The following ZDHHC14 variants were observed in gnomAD, a reference collection of about 807,000 sequenced individuals.
The protein encoded by ZDHHC14 is zDHHC palmitoyltransferase 14, also known as palmitoyltransferase ZDHHC14.
Under a neutral mutation model 47.7 loss-of-function variants are expected in ZDHHC14, and 16 were observed. The ratio of observed to expected loss-of-function variants is 0.34; its 90% CI spans 0.23 to 0.51. The LOEUF is 0.51. Ranked by LOEUF, ZDHHC14 falls within the 20% of genes least tolerant of loss-of-function variation. The pLI is 0.97. For missense variants in ZDHHC14, 515 were observed against 662.5 expected (o/e 0.78, Z 2.44); for synonymous variants, 293 against 278.9 (o/e 1.05, Z -0.50).
intron 1 of ZDHHC14, among the ~76,000 whole-genome samples, chr6:157,511,547 C>CTT (rs34988240): frequency 2.2e-4 from 25 of 114,884 alleles, no homozygotes; most frequent in African/African-American, 6.0e-4. Flanking sequence ...AGCCCGGGTA[C>CTT]TTTTTTTTTT....
chr6:157,654,068 G>A (rs532578667), intron 8 of ZDHHC14, among the ~76,000 whole-genome samples: 3 of 152,200 alleles, frequency 2.0e-5, no homozygotes, highest in East Asian at 1.9e-4. Flanking sequence ...CCCTGCTTCC[G>A]CCCAAAGTCT....
intron 1 of ZDHHC14, among the ~76,000 whole-genome samples, chr6:157,507,402 G>A (rs1171925746): frequency 1.3e-5 from 2 of 151,478 alleles, no homozygotes; most frequent in African/African-American, 4.9e-5. Context: ...TCATGTCTCA[G>A]CCTCCTGGGT....
At chr6:157,417,125 G>A (rs1048361803) in intron 1 of ZDHHC14, among the ~76,000 whole-genome samples, 1 of 151,510 alleles carries the variant, frequency 6.6e-6, no homozygotes. Context: ...ACCGCGCCTG[G>A]CTCATTGTTA....
At position 157,441,222 on chromosome 6, in the gene ZDHHC14, C is replaced by T. The variant is rs150434271; in HGVS notation, c.245+58956C>T. ...TAGTGTTTTGTCTGGAAGGATCGCT[C>T]ATGGCTCAGATTTTTGTAGGCTTTG... is the stretch of plus-strand genomic sequence containing the variant. On this transcript the variant is annotated intron_variant, in intron 1 of 8. Transcript: ENST00000359775. Among the ~76,000 whole-genome samples the T allele has an allele frequency of 1.9e-3, 283 of 152,310 alleles. 4 individuals carry two copies. The East Asian group carries it at 0.037, about 20-fold the overall frequency.
chr6:157,614,362 AT>A (rs11288647), intron 3 of ZDHHC14, among the ~76,000 whole-genome samples: 64,199 of 144,958 alleles, frequency 0.44, 14,678 homozygotes, highest in East Asian at 0.84. Flanking sequence ...TAGCTGACTG[AT>A]TTTTTTTTTT....
chr6:157,529,222 C>A (rs1352571558), intron 1 of ZDHHC14: 2 of 154,622 alleles, frequency 1.3e-5, no homozygotes, highest in Non-Finnish European at 2.9e-5. Context: ...GTCTCTGCAA[C>A]CCCACCCTCT....
chr6:157,480,322 T>C (rs1293340682), intron 1 of ZDHHC14, among the ~76,000 whole-genome samples: 1 of 147,670 alleles, frequency 6.8e-6, no homozygotes, highest in South Asian at 2.2e-4. Flanking sequence ...GGCTGGAGTG[T>C]TATGGCGTGA....
intron 1 of ZDHHC14, among the ~76,000 whole-genome samples, chr6:157,522,007 A>AT (rs1780931465): frequency 7.2e-6 from 1 of 139,104 alleles, no homozygotes; most frequent in South Asian, 2.3e-4. Flanking sequence ...ATTGCTAAGT[A>AT]TATAACAAGT....
intron 1 of ZDHHC14, among the ~76,000 whole-genome samples, chr6:157,477,434 CATT>C (rs2114832560): frequency 6.6e-6 from 1 of 152,252 alleles, no homozygotes; most frequent in South Asian, 2.1e-4. Flanking sequence ...TTTGTGCAGA[CATT>C]ATCTTAAATA....
chr6:157,647,298 T>A lies in ZDHHC14; in HGVS notation c.895T>A (p.Tyr299Asn). 6.2e-7 allele frequency: 1 copy of A among 1,614,160 alleles called. No homozygotes were observed. The highest frequency in any genetic ancestry group is 1.1e-5 in the South Asian group (1 of 91,076). Residue 299 changes from tyrosine to asparagine, a missense_variant, in exon 7 of 9, where the codon TAC becomes AAC. By Grantham distance (143) the Tyr-to-Asn change is moderately radical (BLOSUM62 -2). Coordinates refer to ENST00000359775, the MANE Select transcript of ZDHHC14 (RefSeq NM_024630.3). ...SWSNKRGKEN[Y>N]NPYSYGNIFT... is the part of the protein sequence containing the mutation. ...GTCAAATAAAAGAGGTAAAGAAAAT[T>A]ACAATCCCTACAGCTACGGAAATAT...
chr6:157,511,426 G>A (rs1780479336), intron 1 of ZDHHC14, among the ~76,000 whole-genome samples: 2 of 151,228 alleles, frequency 1.3e-5, no homozygotes, highest in South Asian at 2.1e-4. Context: ...TGTTGCCCAG[G>A]CTGGAGTGCA....
Position 157,526,466 on chromosome 6 carries a change from G to A in ZDHHC14, c.246-16119G>A, listed in dbSNP as rs149470027. Reference sequence around the variant, plus strand: ...TGGTATGGAAGTGAGTCAGGTTCTTGTCTTAAACGTTGGTCTACTCGGTCT... The same window carrying A: ...TGGTATGGAAGTGAGTCAGGTTCTTATCTTAAACGTTGGTCTACTCGGTCT... On this transcript the variant is annotated intron_variant, in intron 1 of 8. Coordinates refer to ENST00000359775, the MANE Select transcript of ZDHHC14 (RefSeq NM_024630.3). 4.0e-3 allele frequency among the ~76,000 whole-genome samples: 605 copies of A among 152,288 alleles called. 8 individuals carry two copies. The highest frequency in any genetic ancestry group is 0.014 in the African/African-American group (589 of 41,558).
chr6:157,453,788 T>TTTTTTTTGTGTGTGTGTGTGTG lies in ZDHHC14; in HGVS notation c.245+71523_245+71524insTTTTTTGTGTGTGTGTGTGTGT, dbSNP rs3220439. ...TTCTAAGGCCATTGTTTTTTGTGTTTTGTGTGTGTGTGTGTGTGTGTGTGT... is the reference window on the plus strand; with the variant it reads ...TTCTAAGGCCATTGTTTTTTGTGTTTTTTTTTTGTGTGTGTGTGTGTGTGTGTGTGTGTGTGTGTGTGTGTGT... On this transcript the variant is annotated intron_variant, in intron 1 of 8. Transcript: ENST00000359775. 7.0e-4 allele frequency among the ~76,000 whole-genome samples: 103 copies of TTTTTTTTGTGTGTGTGTGTGTG among 148,192 alleles called. 1 individual carries two copies. The highest frequency in any genetic ancestry group is 2.4e-3 in the African/African-American group (94 of 39,572).
intron 5 of ZDHHC14, among the ~76,000 whole-genome samples, chr6:157,635,340 A>G (rs2114964048): frequency 6.6e-6 from 1 of 152,272 alleles, no homozygotes; most frequent in Admixed American, 6.5e-5. Flanking sequence ...CAAGTCATGC[A>G]TCTTATCCTA....
chr6:157,553,631 G>C (rs1487178417), intron 2 of ZDHHC14, among the ~76,000 whole-genome samples: 2 of 152,064 alleles, frequency 1.3e-5, no homozygotes, highest in South Asian at 2.1e-4. Context: ...TCGTATGCTG[G>C]GGGGTGGGAG....
intron 1 of ZDHHC14, among the ~76,000 whole-genome samples, chr6:157,400,228 C>T (rs1014486710): frequency 6.6e-6 from 1 of 152,220 alleles, no homozygotes; most frequent in African/African-American, 2.4e-5. Context: ...GCCACACCAC[C>T]AGCCACAGCT....
intron 1 of ZDHHC14, among the ~76,000 whole-genome samples, chr6:157,530,828 A>T (rs1028009836): frequency 3.4e-4 from 52 of 152,330 alleles, no homozygotes; most frequent in Non-Finnish European, 4.4e-4. Flanking sequence ...TGTCTGAACG[A>T]CTGGATATTT....
chr6:157,491,428 C>T (rs1779913204), intron 1 of ZDHHC14, among the ~76,000 whole-genome samples: 1 of 152,136 alleles, frequency 6.6e-6, no homozygotes. Flanking sequence ...GTGGGCATGC[C>T]ATAAATATTT....
At chr6:157,587,544 A>G (rs1460664428) in intron 2 of ZDHHC14, among the ~76,000 whole-genome samples, 2 of 152,332 alleles carry the variant, frequency 1.3e-5, no homozygotes, top group African/African-American at 4.8e-5. Context: ...AAGGCCACCC[A>G]GAGTCCTTGG....
Sources: allele counts gnomAD v4.1 joint callset (sites outside exome capture counted in the v4.1 genomes callset), GRCh38; gene constraint gnomAD v4.1.1; transcripts MANE v1.5; gene names NCBI Gene and HGNC (gene_info 2026-07-23, HGNC 2026-07-21).